HEXB: variants seen among roughly 807,000 people sequenced by gnomAD.
HEXB encodes the protein beta-hexosaminidase subunit beta.
A neutral mutation model predicts 71.2 loss-of-function variants in HEXB; 51 were observed. The observed-to-expected ratio is 0.72, with a 90% CI of 0.57 to 0.90. The LOEUF is 0.90. Ranked by LOEUF, HEXB falls within the 40% of genes least tolerant of loss-of-function variation. The pLI is 0.00. For synonymous variants in HEXB, 266 were observed against 249.3 expected (o/e 1.07, Z -0.63); for missense variants, 617 against 677.0 (o/e 0.91, Z 0.98).
intron 8 of HEXB, among the ~76,000 whole-genome samples, chr5:74,715,892 C>T (rs1186605334): frequency 6.6e-6 from 1 of 151,708 alleles, no homozygotes; most frequent in African/African-American, 2.4e-5. Flanking sequence ...TGGTGGGTAC[C>T]TGTAATCCCA....
At chr5:74,656,011 A>T (rs934959999) in intron 1 of HEXB, among the ~76,000 whole-genome samples, 2 of 152,226 alleles carry the variant, frequency 1.3e-5, no homozygotes, top group East Asian at 3.8e-4. Context: ...AAAGGCTATT[A>T]AGTAGCTAGT....
intron 1 of HEXB, among the ~76,000 whole-genome samples, chr5:74,667,462 A>G (rs909185715): frequency 1.8e-4 from 28 of 152,208 alleles, no homozygotes; most frequent in African/African-American, 6.5e-4. Context: ...AGTTTGGGAA[A>G]GGTCTCATCT....
rs2112185863 is a variant in HEXB at position 74,720,639 on chromosome 5, T to C, written c.1509-4T>C. On this transcript the variant is annotated splice_polypyrimidine_tract_variant and splice_region_variant and intron_variant, in intron 12 of 13. Coordinates refer to ENST00000261416, the MANE Select transcript of HEXB (RefSeq NM_000521.4). ...TGCGGGGGGATGTGTGATTTAAATT[T>C]TAGGCCTCGGGCAAGTGCTGTTGGT... 6.2e-7 allele frequency: 1 copy of C among 1,613,886 alleles called. No homozygotes were observed. The highest frequency in any genetic ancestry group is 1.7e-4 in the Middle Eastern group (1 of 6,060).
intron 1 of HEXB, among the ~76,000 whole-genome samples, chr5:74,654,347 G>A (rs1002514251): frequency 1.1e-4 from 17 of 152,122 alleles, no homozygotes; most frequent in South Asian, 2.1e-4. Context: ...AGGTGATGCC[G>A]ACACTGCTGG....
intron 5 of HEXB, 95 bp downstream of exon 5, chr5:74,697,201 AG>A: frequency 5.5e-6 from 4 of 733,744 alleles, no homozygotes; most frequent in South Asian, 1.5e-5. Context: ...AGTTTGGAAC[AG>A]GGGAATTTGT....
At chr5:74,684,330 G>T (rs1461309350), upstream of HEXB, among the ~76,000 whole-genome samples, 1 of 152,216 alleles carries the variant, frequency 6.6e-6, no homozygotes, top group Non-Finnish European at 1.5e-5. Flanking sequence ...AAACTTGTCA[G>T]TTGGGATCCT....
chr5:74,648,984 T>C (rs1748053654), intron 1 of HEXB, among the ~76,000 whole-genome samples: 2 of 152,272 alleles, frequency 1.3e-5, no homozygotes, highest in South Asian at 2.1e-4. Flanking sequence ...AGTGCCCTCT[T>C]CTGGCTACAA....
At chr5:74,647,568 A>G (rs1168478538) in intron 1 of HEXB, among the ~76,000 whole-genome samples, 1 of 152,242 alleles carries the variant, frequency 6.6e-6, no homozygotes, top group African/African-American at 2.4e-5. Context: ...GTTTCTCCTC[A>G]TGATTTTGAA....
rs1554035822 is a variant in HEXB, at chr5:74,705,252, C to T, written c.703C>T (p.His235Tyr). The change falls in exon 6 of 14, where the codon CAC (histidine) becomes TAC (tyrosine). Residue 235 changes from histidine (H) to tyrosine (Y), a missense_variant. Physicochemically the swap from His to Tyr is moderately conservative, Grantham distance 83 (BLOSUM62 2). Coordinates refer to ENST00000261416, the MANE Select transcript of HEXB (RefSeq NM_000521.4). ...AMAFNKFNVL[H>Y]WHIVDDQSFP... Reference sequence around the variant, plus strand: ...GGCTTTTAATAAGTTTAATGTTCTTCACTGGCACATAGTTGATGACCAGTC... The same window carrying T: ...GGCTTTTAATAAGTTTAATGTTCTTTACTGGCACATAGTTGATGACCAGTC... The T allele has an allele frequency of 6.2e-7, 1 of 1,612,014 alleles. No homozygotes were observed. The highest frequency in any genetic ancestry group is 2.2e-5 in the East Asian group (1 of 44,844).
chr5:74,664,430 T>TTAAAAAAAAAAAA lies in HEXB; in HGVS notation c.-377+23872_-377+23873insTAAAAAAAAAAAA, dbSNP rs768901546. On this transcript the variant is annotated intron_variant, in intron 1 of 13. Transcript: ENST00000511181. ...GGGCAATAGAGCAAGATTCTATCTC[T>TTAAAAAAAAAAAA]AAAAAAAAAAAAAAAAAAAAAAACA... 1.4e-3 allele frequency among the ~76,000 whole-genome samples: 110 copies of TTAAAAAAAAAAAA among 79,544 alleles called. 1 individual carries two copies. The highest frequency in any genetic ancestry group is 3.4e-3 in the East Asian group (8 of 2,376). 52.2% of individuals were successfully genotyped at this position (79,544 alleles called of 152,430 possible). A position where few individuals can be genotyped will look rare whatever the true frequency, so the allele number is the denominator to read the frequency against.
chr5:74,705,166 T>A (rs561240683), intron 5 of HEXB, 53 bp from the exon 6 acceptor site: 9 of 983,104 alleles, frequency 9.2e-6, no homozygotes, highest in South Asian at 1.3e-5. Context: ...ATAGGTAATA[T>A]GGATTGTATA....
chr5:74,710,692 A>C (rs1384218323), intron 6 of HEXB, among the ~76,000 whole-genome samples: 1 of 152,032 alleles, frequency 6.6e-6, no homozygotes, highest in African/African-American at 2.4e-5. Context: ...CAATTGCTTC[A>C]AAGAGAATAA....
At chr5:74,659,919 A>G (rs1748288446) in intron 1 of HEXB, among the ~76,000 whole-genome samples, 1 of 152,098 alleles carries the variant, frequency 6.6e-6, no homozygotes. Context: ...GTTCTTTTCC[A>G]CCTTGAGGAT....
rs1191055638 is a variant in HEXB at position 74,641,725 on chromosome 5, C to A, written c.-377+1167C>A. On this transcript the variant is annotated intron_variant, in intron 1 of 13. Coordinates refer to the HEXB transcript ENST00000511181. This position sits in a 1 kb window ranked among gnomAD's most constrained non-coding sequence, Gnocchi z 4.1. ...TAATCTCGCGTGGTGATCACTTTTA[C>A]GAATCCCATTTATCTTTGCAACTAG... 6.6e-6 allele frequency among the ~76,000 whole-genome samples: 1 copy of A among 152,194 alleles called. No homozygotes were observed. Among genetic ancestry groups the A allele is most frequent in the Non-Finnish European group, 1.5e-5 (1 of 68,038 alleles).
At chr5:74,663,584 T>C (rs1184566774) in intron 1 of HEXB, among the ~76,000 whole-genome samples, 1 of 152,150 alleles carries the variant, frequency 6.6e-6, no homozygotes, top group Non-Finnish European at 1.5e-5. Context: ...CATGTTGAAA[T>C]ACAATGGGCA....
In HEXB at chr5:74,685,525, C is replaced by A; in HGVS notation, c.265C>A (p.Pro89Thr). ...CCACAGCCCCAATTCCACGGCGGGCCCCTCCTGCACCCTGCTGGAGGAAGC... is the reference window on the plus strand; with the variant it reads ...CCACAGCCCCAATTCCACGGCGGGCACCTCCTGCACCCTGCTGGAGGAAGC... ...ISHSPNSTAG[P>T]SCTLLEEAFR... Residue 89 changes from proline to threonine, a missense_variant, in exon 1 of 14, where the codon CCC becomes ACC. Coordinates refer to ENST00000261416, the MANE Select transcript of HEXB (RefSeq NM_000521.4). 1 of 1,591,926 alleles carries A rather than the reference C, an allele frequency of 6.3e-7. No homozygotes were observed. The highest frequency in any genetic ancestry group is 8.5e-7 in the Non-Finnish European group (1 of 1,169,774).
chr5:74,690,143 T>C (rs752881114), intron 2 of HEXB, among the ~76,000 whole-genome samples: 2 of 152,150 alleles, frequency 1.3e-5, no homozygotes, highest in Non-Finnish European at 1.5e-5. Flanking sequence ...ATAATCAACA[T>C]TTAGCTGTAT....
intron 1 of HEXB, among the ~76,000 whole-genome samples, chr5:74,678,303 A>G (rs1395313558): frequency 2.4e-5 from 1 of 40,958 alleles, no homozygotes; most frequent in Non-Finnish European, 7.7e-5. Flanking sequence ...CATCTCATAA[A>G]TAAATAAATA....
intron 6 of HEXB, among the ~76,000 whole-genome samples, chr5:74,710,420 G>A (rs62366366): frequency 0.071 from 10,849 of 152,228 alleles, 593 homozygotes; most frequent in Admixed American, 0.16. Flanking sequence ...TCAACATAGT[G>A]TTGGAAGTTC....
Sources: gnomAD v4.1 joint callset for allele counts (sites outside exome capture counted in the v4.1 genomes callset) on GRCh38, gnomAD v4.1.1 for gene constraint, Gnocchi (gnomAD v3.1) non-coding constraint, MANE v1.5 for transcripts, NCBI Gene and HGNC (gene_info 2026-07-23, HGNC 2026-07-21) for gene names.